CNTNAP3B: variants seen among roughly 807,000 people sequenced by gnomAD.
CNTNAP3B encodes the protein contactin associated protein family member 3B.
CNTNAP3B carries 25 observed loss-of-function variants against 108.9 expected under a neutral mutation model. The ratio of observed to expected loss-of-function variants is 0.23; its 90% CI spans 0.17 to 0.32. CNTNAP3B has a LOEUF of 0.32. CNTNAP3B is among the 10% of genes least tolerant of loss of function. The pLI is 1.00. For missense variants in CNTNAP3B, 252 were observed against 1,210.4 expected, an observed-to-expected ratio of 0.21 and a Z score of 11.75; for synonymous variants, 103 against 473.4, an observed-to-expected ratio of 0.22 and a Z score of 10.16.
chr9:42,127,048 A>G (rs1393131619), intron 1 of CNTNAP3B, among the ~76,000 whole-genome samples: 2 of 138,970 alleles, frequency 1.4e-5, no homozygotes, highest in African/African-American at 5.7e-5. Flanking sequence ...AAGGTGGTAT[A>G]ATTATTATAG....
intron 3 of CNTNAP3B, among the ~76,000 whole-genome samples, chr9:42,064,676 G>A (rs1206932252): frequency 7.9e-6 from 1 of 126,066 alleles, no homozygotes; most frequent in African/African-American, 3.3e-5. Context: ...TCAATGTTTG[G>A]CTTCTACTTA....
chr9:41,973,033 G>T (rs1431169545), intron 9 of CNTNAP3B, among the ~76,000 whole-genome samples: 2 of 133,220 alleles, frequency 1.5e-5, no homozygotes, highest in Admixed American at 7.8e-5. Context: ...CACCACCCAG[G>T]TTCACAGCAT....
At chr9:41,956,333 C>T (rs1262993303) in intron 12 of CNTNAP3B, among the ~76,000 whole-genome samples, 1 of 151,908 alleles carries the variant, frequency 6.6e-6, no homozygotes, top group Non-Finnish European at 1.5e-5. Flanking sequence ...TTGCAGTGAG[C>T]CGAGATCGTG....
chr9:41,994,591 A>G, intron 7 of CNTNAP3B: 1 of 444,052 alleles, frequency 2.3e-6, no homozygotes, highest in South Asian at 1.8e-5. Flanking sequence ...TGCTGTTCAT[A>G]GTAAAACTTA....
chr9:41,948,046 C>G (rs1297669132), intron 13 of CNTNAP3B, among the ~76,000 whole-genome samples: 3 of 151,094 alleles, frequency 2.0e-5, no homozygotes, highest in East Asian at 1.9e-4. Flanking sequence ...AAAAAAATCT[C>G]TTGGCCCAGA....
chr9:41,922,484 A>ATAAC lies in CNTNAP3B; in HGVS notation c.2755+192_2755+193insGTTA, dbSNP rs1463256483. On this transcript the variant is annotated intron_variant, in intron 17 of 23. Coordinates refer to ENST00000377561, the MANE Select transcript of CNTNAP3B (RefSeq NM_001201380.3). ...CTGTCTGAAAACAAAAATAAAAACA[A>ATAAC]AAACAAACAAACAAAAGAAATGTCA... Among the ~76,000 whole-genome samples the ATAAC allele has an allele frequency of 6.5e-5, 9 of 138,126 alleles. No individual in the cohort carries two copies. The Admixed American group carries it at 6.6e-4, about 10-fold the overall frequency. The allele number at this position is 138,126 out of a possible 152,430, so 90.6% of individuals were successfully genotyped here.
At chr9:41,924,886 CTT>C (rs1823771177) in intron 15 of CNTNAP3B, among the ~76,000 whole-genome samples, 1 of 152,268 alleles carries the variant, frequency 6.6e-6, no homozygotes, top group South Asian at 2.1e-4. Context: ...TTTCAGTTGA[CTT>C]TCAGAATGTT....
chr9:42,088,825 A>T (rs1827758932), intron 2 of CNTNAP3B, among the ~76,000 whole-genome samples: 1 of 139,488 alleles, frequency 7.2e-6, no homozygotes, highest in African/African-American at 2.8e-5. Context: ...TTTGTTGCAT[A>T]TGTAAATTGG....
At chr9:41,924,840 T>C (rs1388751475) in intron 15 of CNTNAP3B, among the ~76,000 whole-genome samples, 4 of 152,282 alleles carry the variant, frequency 2.6e-5, no homozygotes, top group Non-Finnish European at 5.9e-5. Flanking sequence ...TGTGAGTCTT[T>C]TCTTATCTTT....
At position 41,929,356 on chromosome 9, in the gene CNTNAP3B, C is replaced by T. The variant is rs758913691; in HGVS notation, c.2326G>A (p.Ala776Thr). 2.6e-6 allele frequency: 4 copies of T among 1,543,602 alleles called. 1 individual carries two copies. The highest frequency in any genetic ancestry group is 1.8e-5 in the Admixed American group (1 of 56,550). ...AGCAGTGGCCCCAGTGTATAATCTG[C>T]TTCGGAATGTGGTTGGCCTGTGTCT... ...MTDTGQPHSE[A>T]DYTLGPLLCR... Residue 776 changes from alanine (A) to threonine (T), a missense_variant, in exon 15 of 24, where the codon GCA (alanine) becomes ACA (threonine). Coordinates refer to ENST00000377561, the MANE Select transcript of CNTNAP3B (RefSeq NM_001201380.3).
intron 1 of CNTNAP3B, among the ~76,000 whole-genome samples, chr9:42,122,358 A>C (rs1156804773): frequency 7.3e-6 from 1 of 137,624 alleles, no homozygotes; most frequent in African/African-American, 2.9e-5. Flanking sequence ...GCTAAGCAAC[A>C]TCATTTTCTA....
At chr9:42,077,557 T>G (rs1478683852) in intron 2 of CNTNAP3B, among the ~76,000 whole-genome samples, 2 of 131,904 alleles carry the variant, frequency 1.5e-5, no homozygotes, top group Non-Finnish European at 3.2e-5. Flanking sequence ...CACTTACATG[T>G]GGAATTCTAA....
chr9:42,026,770 G>A (rs1420257921), intron 3 of CNTNAP3B, among the ~76,000 whole-genome samples: 3 of 135,606 alleles, frequency 2.2e-5, no homozygotes, highest in Non-Finnish European at 4.7e-5. Context: ...TATAGGACCT[G>A]TGAGCCTGTA....
chr9:41,961,851 G>A (rs1190479569), intron 11 of CNTNAP3B, among the ~76,000 whole-genome samples: 4 of 152,300 alleles, frequency 2.6e-5, no homozygotes, highest in African/African-American at 4.8e-5. Context: ...GTTTTACCAA[G>A]TACAAGGTAT....
intron 3 of CNTNAP3B, among the ~76,000 whole-genome samples, chr9:42,043,007 C>T (rs1416048217): frequency 6.7e-6 from 1 of 150,030 alleles, no homozygotes; most frequent in Non-Finnish European, 1.5e-5. Context: ...TCATCATCAT[C>T]ATCATAGCTT....
chr9:42,058,200 A>G (rs1215560415), intron 3 of CNTNAP3B, among the ~76,000 whole-genome samples: 6 of 151,268 alleles, frequency 4.0e-5, no homozygotes, highest in African/African-American at 1.5e-4. Flanking sequence ...TAAAAGACAT[A>G]CTGATTTAAT....
intron 1 of CNTNAP3B, among the ~76,000 whole-genome samples, chr9:42,116,230 C>T (rs1302255177): frequency 2.2e-5 from 3 of 135,464 alleles, no homozygotes; most frequent in African/African-American, 3.0e-5. Flanking sequence ...AAAAGATTCA[C>T]CAAACTTGAA....
chr9:42,019,542 A>G (rs1181282753), intron 3 of CNTNAP3B, among the ~76,000 whole-genome samples: 1 of 77,820 alleles, frequency 1.3e-5, no homozygotes, highest in Non-Finnish European at 2.5e-5. Flanking sequence ...ACCTGAGGTC[A>G]GGAATTTGAG....
chr9:41,921,716 C>T (rs536033011), intron 17 of CNTNAP3B, among the ~76,000 whole-genome samples: 669 of 151,988 alleles, frequency 4.4e-3, no homozygotes, highest in African/African-American at 0.015. Flanking sequence ...GAGCTATCAC[C>T]TTTAAATAAA....
Sources: allele counts gnomAD v4.1 joint callset (sites outside exome capture counted in the v4.1 genomes callset), GRCh38; gene constraint gnomAD v4.1.1; transcripts MANE v1.5; gene names NCBI Gene and HGNC (gene_info 2026-07-23, HGNC 2026-07-21).